FCHSD2: variants seen among roughly 807,000 people sequenced by gnomAD.
The protein encoded by FCHSD2 is F-BAR and double SH3 domains protein 2.
Under a neutral mutation model 108.1 loss-of-function variants are expected in FCHSD2, and 38 were observed. That is an observed-to-expected ratio of 0.35 (90% CI 0.27 to 0.46). The LOEUF is 0.46. Among genes scored for constraint, FCHSD2 ranks in the 20% least tolerant of loss-of-function variants. The pLI is 1.00. For missense variants in FCHSD2, 751 were observed against 897.8 expected, an observed-to-expected ratio of 0.84 and a Z score of 2.09; for synonymous variants, 279 against 314.7, an observed-to-expected ratio of 0.89 and a Z score of 1.20.
At chr11:72,853,755 T>C (rs1246471385) in intron 13 of FCHSD2, among the ~76,000 whole-genome samples, 2 of 152,074 alleles carry the variant, frequency 1.3e-5, no homozygotes, top group African/African-American at 4.8e-5. Context: ...AAAATATGTA[T>C]GCATCAAAGA....
At chr11:72,916,968 CTTT>C (rs71062793) in intron 9 of FCHSD2, among the ~76,000 whole-genome samples, 2 of 118,776 alleles carry the variant, frequency 1.7e-5, no homozygotes, top group South Asian at 5.4e-4. Context: ...GAACTTCATT[CTTT>C]TTTTTTTTTT....
chr11:73,081,534 A>T (rs1859686325), intron 3 of FCHSD2, among the ~76,000 whole-genome samples: 1 of 148,202 alleles, frequency 6.7e-6, no homozygotes, highest in Non-Finnish European at 1.5e-5. Flanking sequence ...CTTTTTTTCT[A>T]TTTTTTTTTT....
chr11:73,096,987 A>AATTTTTTTTTTTTTTTTTT (rs1860095700), intron 2 of FCHSD2, among the ~76,000 whole-genome samples: 2 of 27,020 alleles, frequency 7.4e-5, no homozygotes, highest in African/African-American at 4.0e-4. Flanking sequence ...TCATTGATGG[A>AATTTTTTTTTTTTTTTTTT]TTTTTTTTTT....
intron 2 of FCHSD2, among the ~76,000 whole-genome samples, chr11:73,085,717 TA>T (rs201055524): frequency 0.013 from 1,975 of 146,790 alleles, 34 homozygotes; most frequent in African/African-American, 0.046. Context: ...TTTTAACTAT[TA>T]AAAAAAAAAA....
chr11:73,010,126 TTTC>T (rs1322061702), intron 4 of FCHSD2, among the ~76,000 whole-genome samples: 35 of 152,230 alleles, frequency 2.3e-4, no homozygotes, highest in Non-Finnish European at 3.1e-4. Flanking sequence ...GCTTGGGTTA[TTTC>T]ATAGGACCTG....
chr11:72,994,550 T>A (rs1857485706), intron 5 of FCHSD2, among the ~76,000 whole-genome samples: 1 of 152,126 alleles, frequency 6.6e-6, no homozygotes. Context: ...AGTTCTGTGA[T>A]GACCATGTTT....
intron 2 of FCHSD2, among the ~76,000 whole-genome samples, chr11:73,091,321 T>A (rs1421263126): frequency 6.6e-6 from 1 of 152,050 alleles, no homozygotes; most frequent in Non-Finnish European, 1.5e-5. Flanking sequence ...GGCAGATCAC[T>A]TGAGGTCAGG....
intron 3 of FCHSD2, among the ~76,000 whole-genome samples, chr11:73,047,172 A>G (rs1181189428): frequency 6.6e-6 from 1 of 152,126 alleles, no homozygotes; most frequent in Non-Finnish European, 1.5e-5. Flanking sequence ...ACATGACTGT[A>G]AATTTGAAAA....
chr11:72,941,901 CTAAAAAGCATT>C (rs1202665553), intron 8 of FCHSD2, among the ~76,000 whole-genome samples: 1 of 152,010 alleles, frequency 6.6e-6, no homozygotes, highest in East Asian at 1.9e-4. Flanking sequence ...AGAACCTTCA[CTAAAAAGCATT>C]AAAAAAGTTT....
chr11:72,847,027 C>T (rs1861164101), intron 14 of FCHSD2, among the ~76,000 whole-genome samples: 1 of 152,154 alleles, frequency 6.6e-6, no homozygotes, highest in Non-Finnish European at 1.5e-5. Flanking sequence ...GGCAGGGTCT[C>T]ACTCTGTCAC....
At chr11:72,951,163 C>T (rs896473846) in intron 8 of FCHSD2, among the ~76,000 whole-genome samples, 1 of 152,184 alleles carries the variant, frequency 6.6e-6, no homozygotes, top group Non-Finnish European at 1.5e-5. Flanking sequence ...TAATTAACAC[C>T]TATCTTTTGT....
chr11:72,850,321 T>C (rs958038574), intron 13 of FCHSD2, among the ~76,000 whole-genome samples: 3 of 152,072 alleles, frequency 2.0e-5, no homozygotes, highest in Non-Finnish European at 4.4e-5. Flanking sequence ...CACTTCGGCT[T>C]CCCAAAGTGC....
intron 13 of FCHSD2, among the ~76,000 whole-genome samples, chr11:72,859,981 C>A (rs1861528047): frequency 6.6e-6 from 1 of 152,174 alleles, no homozygotes; most frequent in African/African-American, 2.4e-5. Flanking sequence ...ATGGACTGGA[C>A]CCTTGGGGTA....
At chr11:73,022,675 C>T (rs1224362215) in intron 3 of FCHSD2, among the ~76,000 whole-genome samples, 1 of 152,062 alleles carries the variant, frequency 6.6e-6, no homozygotes, top group African/African-American at 2.4e-5. Context: ...CCAATATGAT[C>T]TATACATTCA....
intron 4 of FCHSD2, among the ~76,000 whole-genome samples, chr11:73,011,934 G>T (rs191573725): frequency 6.6e-6 from 1 of 152,046 alleles, no homozygotes; most frequent in East Asian, 1.9e-4. Flanking sequence ...GAGGAGGTAC[G>T]AAGTGCCCCT....
intron 3 of FCHSD2, among the ~76,000 whole-genome samples, chr11:73,021,494 G>A (rs917092313): frequency 6.6e-6 from 1 of 152,050 alleles, no homozygotes; most frequent in African/African-American, 2.4e-5. Flanking sequence ...ACTTATAAAT[G>A]GGAGCTAAAT....
intron 2 of FCHSD2, among the ~76,000 whole-genome samples, chr11:73,091,879 A>C (rs1163895050): frequency 1.3e-5 from 2 of 151,980 alleles, no homozygotes; most frequent in African/African-American, 4.8e-5. Context: ...ATCTCTACTA[A>C]AAATACAAAA....
intron 2 of FCHSD2, among the ~76,000 whole-genome samples, chr11:73,107,051 A>ATATT (rs1860361762): frequency 4.6e-5 from 7 of 151,786 alleles, no homozygotes; most frequent in African/African-American, 1.7e-4. Context: ...ATATATATAT[A>ATATT]TTTTTAAATG....
At chr11:73,110,687 T>A (rs557525477) in intron 2 of FCHSD2, among the ~76,000 whole-genome samples, 1 of 152,280 alleles carries the variant, frequency 6.6e-6, no homozygotes, top group East Asian at 1.9e-4. Flanking sequence ...CGATCTTTAT[T>A]ATTTCTTTTA....
Sources: gnomAD v4.1 joint callset for allele counts (sites outside exome capture counted in the v4.1 genomes callset) on GRCh38, gnomAD v4.1.1 for gene constraint, MANE v1.5 for transcripts, NCBI Gene and HGNC (gene_info 2026-07-23, HGNC 2026-07-21) for gene names.